Variants in MCC observed in about 807,000 individuals in gnomAD.
MCC encodes the protein MCC regulator of Wnt signaling pathway.
Under a neutral mutation model 116.2 loss-of-function variants are expected in MCC, and 90 were observed. That is an observed-to-expected ratio of 0.77 (90% confidence interval 0.65 to 0.92). MCC has a LOEUF of 0.92. Ranked by LOEUF, MCC falls within the 40% of genes least tolerant of loss-of-function variation. The probability of loss-of-function intolerance (pLI) is 0.00; values close to 1 mark genes in which losing one functional copy is unlikely to be tolerated. For missense variants in MCC, 1,516 were observed against 1,312.2 expected, an observed-to-expected ratio of 1.16 and a Z score of -2.40; for synonymous variants, 578 against 510.5, an observed-to-expected ratio of 1.13 and a Z score of -1.78.
Position 113,340,674 on chromosome 5 carries a change from G to A in MCC, c.472C>T (p.Gln158Ter), listed in dbSNP as rs1341432466. ...GACTGGCTCTGCACATCCGGGCTCT[G>A]GAGGTCCCTGGCACCAGAGTCGTAT... ...WEYDSGARDL[Q>*]SPDVQSQSAL... Residue 158 changes from glutamine to a stop codon, truncating the protein, a stop_gained, in exon 3 of 19, where the codon CAG (glutamine) becomes TAG (stop). Transcript: ENST00000408903. LOFTEE classifies it high-confidence loss of function. 59 of 1,614,034 alleles carry A rather than the reference G, an allele frequency of 3.7e-5. No homozygotes were observed. The highest frequency in any genetic ancestry group is 4.8e-5 in the Non-Finnish European group (57 of 1,180,022).
At chr5:113,046,697 A>T (rs1752105333) in intron 16 of MCC, among the ~76,000 whole-genome samples, 1 of 141,446 alleles carries the variant, frequency 7.1e-6, no homozygotes, top group Non-Finnish European at 1.6e-5. Context: ...AAAAAAAAAA[A>T]AAAAAAAAAA....
chr5:113,292,744 C>T (rs1766555115), intron 3 of MCC, among the ~76,000 whole-genome samples: 1 of 152,170 alleles, frequency 6.6e-6, no homozygotes, highest in Admixed American at 6.5e-5. Flanking sequence ...ACAAAGGTTA[C>T]TGGACAGCAC....
chr5:113,045,320 T>C (rs1406663561), intron 16 of MCC, among the ~76,000 whole-genome samples: 2 of 151,382 alleles, frequency 1.3e-5, no homozygotes, highest in African/African-American at 4.8e-5. Flanking sequence ...TAAAGAAGCA[T>C]AAGCACCCAC....
intron 8 of MCC, among the ~76,000 whole-genome samples, chr5:113,085,688 CT>C (rs1755160951): frequency 6.6e-6 from 1 of 151,982 alleles, no homozygotes; most frequent in South Asian, 2.1e-4. Flanking sequence ...GGATGACCAT[CT>C]TTTTTTATTT....
intron 2 of MCC, among the ~76,000 whole-genome samples, chr5:113,351,775 T>C (rs1768274408): frequency 6.6e-6 from 1 of 152,214 alleles, no homozygotes; most frequent in Non-Finnish European, 1.5e-5. Context: ...TATTATGTAC[T>C]GCATGCCTGT....
rs138548674 is a variant in MCC at position 113,367,364 on chromosome 5, T to C, written c.415+17604A>G. ...AAATTCTTAGCCAATTATCTAAGTC[T>C]TTTCTCAATAATTTAAGATGTACAT... On this transcript the variant is annotated intron_variant, in intron 2 of 18. Transcript: ENST00000408903. Among the ~76,000 whole-genome samples the C allele has an allele frequency of 2.3e-3, 351 of 152,092 alleles. 4 individuals carry two copies. The highest frequency in any genetic ancestry group is 8.2e-3 in the African/African-American group (341 of 41,464).
chr5:113,149,458 A>G (rs2165929), intron 4 of MCC, among the ~76,000 whole-genome samples: 35,408 of 151,936 alleles, frequency 0.23, 4,381 homozygotes, highest in South Asian at 0.34. Context: ...TTAACATCCT[A>G]TAGTGGGAAA....
At chr5:113,400,140 T>TTTTTTTTA (rs869250781) in intron 1 of MCC, 1 of 118,190 alleles carries the variant, frequency 8.5e-6, no homozygotes, top group Admixed American at 1.0e-4. Context: ...TTTTTTTTTT[T>TTTTTTTTA]GAGATGGAGT....
At chr5:113,212,721 A>G (rs1328285468) in intron 3 of MCC, among the ~76,000 whole-genome samples, 2 of 152,156 alleles carry the variant, frequency 1.3e-5, no homozygotes, top group Non-Finnish European at 2.9e-5. Context: ...TCACTCCCCA[A>G]CACCTAAATA....
At chr5:113,487,497 C>T (rs918023029) in intron 1 of MCC, among the ~76,000 whole-genome samples, 1 of 152,216 alleles carries the variant, frequency 6.6e-6, no homozygotes, top group Non-Finnish European at 1.5e-5. Context: ...GCTTAAATAC[C>T]GCCTCTGTAG....
intron 6 of MCC, among the ~76,000 whole-genome samples, chr5:113,121,860 A>G (rs564222562): frequency 1.3e-5 from 2 of 150,840 alleles, no homozygotes; most frequent in Non-Finnish European, 2.9e-5. Context: ...ACACCCTTCA[A>G]CCACAGGGAT....
chr5:113,181,041 G>A lies in MCC; in HGVS notation c.628-29619C>T, dbSNP rs557640169. On this transcript the variant is annotated intron_variant, in intron 3 of 18. Coordinates refer to ENST00000408903, the MANE Select transcript of MCC (RefSeq NM_001085377.2). ...GATTAAATTAGATCAATGTTGCAAT[G>A]CCCTAAAAACCTATATTCTTATATT... Among the ~76,000 whole-genome samples the A allele has an allele frequency of 3.3e-5, 5 of 152,216 alleles. No individual in the cohort carries two copies. The East Asian group carries it at 5.8e-4, about 18-fold the overall frequency.
chr5:113,143,415 G>C, intron 4 of MCC, 55 bp from the exon 5 acceptor site: 1 of 1,579,822 alleles, frequency 6.3e-7, no homozygotes, highest in Non-Finnish European at 8.7e-7. Flanking sequence ...CCTACAGGTG[G>C]ATGATTCCAA....
chr5:113,476,556 C>A (rs1772238839), intron 1 of MCC, among the ~76,000 whole-genome samples: 1 of 152,136 alleles, frequency 6.6e-6, no homozygotes, highest in African/African-American at 2.4e-5. Flanking sequence ...GGATCATAGA[C>A]TTAAATATAA....
chr5:113,285,111 A>G (rs1017652013), intron 3 of MCC, among the ~76,000 whole-genome samples: 19 of 152,210 alleles, frequency 1.2e-4, no homozygotes, highest in Admixed American at 5.9e-4. Flanking sequence ...AAAAATAATT[A>G]CAGTGTATTT....
chr5:113,286,773 T>C (rs1282664086), intron 3 of MCC, among the ~76,000 whole-genome samples: 4 of 152,262 alleles, frequency 2.6e-5, no homozygotes, highest in South Asian at 4.1e-4. Flanking sequence ...TTAAGGTCTT[T>C]GCTGAATTTA....
At chr5:113,221,306 G>A (rs551478537) in intron 3 of MCC, among the ~76,000 whole-genome samples, 2 of 152,334 alleles carry the variant, frequency 1.3e-5, no homozygotes, top group Non-Finnish European at 2.9e-5. Context: ...GACAGTGAAG[G>A]AGACCTGAAC....
chr5:113,109,669 T>C (rs1756968929), intron 6 of MCC, among the ~76,000 whole-genome samples: 1 of 152,140 alleles, frequency 6.6e-6, no homozygotes, highest in South Asian at 2.1e-4. Flanking sequence ...ATATAATAAA[T>C]GTATATCAGT....
At position 113,068,106 on chromosome 5, in the gene MCC, C is replaced by A; in HGVS notation, c.2003G>T (p.Arg668Leu). ...AGGGGAGGACCCCACGCCCGCCGCT[C>A]GGAACTGCCCCAGGATGAGGCTCTG... ...SEQSLILGQFRAAGVGSSPGD... is the reference protein window; with the variant it reads ...SEQSLILGQFLAAGVGSSPGD... The change falls in exon 13 of 19, where the codon CGA becomes CTA. Residue 668 changes from arginine to leucine, a missense_variant. Arg to Leu is a moderately radical substitution (Grantham distance 102). Coordinates refer to ENST00000408903, the MANE Select transcript of MCC (RefSeq NM_001085377.2). The A allele has an allele frequency of 6.2e-7, 1 of 1,614,182 alleles. No individual in the cohort carries two copies. Among genetic ancestry groups the A allele is most frequent in the East Asian group, 2.2e-5 (1 of 44,870 alleles).
Sources: allele counts gnomAD v4.1 joint callset (sites outside exome capture counted in the v4.1 genomes callset), GRCh38; gene constraint gnomAD v4.1.1; transcripts MANE v1.5; gene names NCBI Gene and HGNC (gene_info 2026-07-23, HGNC 2026-07-21).